PPP2R2B: variants seen among roughly 807,000 people sequenced by gnomAD.
PPP2R2B encodes serine/threonine-protein phosphatase 2A 55 kDa regulatory subunit B beta isoform.
A neutral mutation model predicts 46.0 loss-of-function variants in PPP2R2B; 5 were observed. The observed-to-expected ratio is 0.11, with a 90% CI of 0.06 to 0.23. The LOEUF (loss-of-function observed/expected upper bound fraction) is 0.23, where lower values mean the gene tolerates loss of function less well. PPP2R2B is among the 10% of genes least tolerant of loss of function. The pLI, the probability that PPP2R2B is intolerant of heterozygous loss-of-function variation, is 1.00. For synonymous variants in PPP2R2B, 215 were observed against 206.7 expected (o/e 1.04, Z -0.34); for missense variants, 367 against 575.0 (o/e 0.64, Z 3.70).
chr5:146,641,639 A>C (rs971542339), intron 6 of PPP2R2B, among the ~76,000 whole-genome samples: 1 of 151,792 alleles, frequency 6.6e-6, no homozygotes, highest in Non-Finnish European at 1.5e-5. Context: ...GCTAAAAATT[A>C]AGTGACTTAT....
chr5:146,979,599 G>C (rs1168586144), intron 1 of PPP2R2B, among the ~76,000 whole-genome samples: 1 of 136,118 alleles, frequency 7.3e-6, no homozygotes, highest in Non-Finnish European at 1.6e-5. Context: ...ACACACACAC[G>C]CTAGTCCCTC....
intron 2 of PPP2R2B, chr5:146,706,497 A>G (rs1483177541): frequency 1.7e-6 from 2 of 1,191,992 alleles, no homozygotes; most frequent in Non-Finnish European, 1.2e-6. Flanking sequence ...GATGTTCATC[A>G]GCTTCTGGTA....
At chr5:146,591,668 T>C (rs1420385445) in intron 9 of PPP2R2B, among the ~76,000 whole-genome samples, 1 of 146,888 alleles carries the variant, frequency 6.8e-6, no homozygotes, top group East Asian at 1.9e-4. Context: ...TAAGAGATTA[T>C]TTTCCAAAAA....
intron 1 of PPP2R2B, among the ~76,000 whole-genome samples, chr5:146,908,447 CAA>C (rs1240131950): frequency 3.3e-5 from 5 of 151,418 alleles, no homozygotes; most frequent in Admixed American, 6.6e-5. Context: ...GTATATTTTT[CAA>C]AAGACTCCTA....
chr5:146,693,446 C>T (rs1778999165), intron 4 of PPP2R2B, among the ~76,000 whole-genome samples: 1 of 151,938 alleles, frequency 6.6e-6, no homozygotes, highest in South Asian at 2.1e-4. Context: ...AACTCCCAGG[C>T]TCAAGCAGTC....
intron 2 of PPP2R2B, among the ~76,000 whole-genome samples, chr5:146,872,370 T>G (rs565354637): frequency 2.0e-5 from 3 of 152,182 alleles, no homozygotes; most frequent in Non-Finnish European, 4.4e-5. Context: ...AGCTCAAACA[T>G]TCATCCATAT....
chr5:146,706,816 G>T, intron 2 of PPP2R2B: 1 of 914,814 alleles, frequency 1.1e-6, no homozygotes, highest in Non-Finnish European at 1.8e-6. Context: ...CGATCTCCTC[G>T]TACTGTACCT....
At chr5:146,899,267 A>T (rs1762745573) in intron 1 of PPP2R2B, among the ~76,000 whole-genome samples, 1 of 147,940 alleles carries the variant, frequency 6.8e-6, no homozygotes, top group Non-Finnish European at 1.5e-5. Flanking sequence ...AATGTGGCAC[A>T]TATACACCAT....
intron 2 of PPP2R2B, among the ~76,000 whole-genome samples, chr5:146,823,479 G>A (rs191518378): frequency 7.2e-5 from 11 of 152,156 alleles, no homozygotes; most frequent in Admixed American, 7.2e-4. Flanking sequence ...TTACAGGCGT[G>A]AGCCACTGCA....
intron 2 of PPP2R2B, among the ~76,000 whole-genome samples, chr5:146,844,720 C>T (rs1561953008): frequency 6.6e-6 from 1 of 152,194 alleles, no homozygotes; most frequent in Non-Finnish European, 1.5e-5. Context: ...GTTTAGCAAC[C>T]CCATTTCTTT....
chr5:146,701,231 G>A (rs1339650584), intron 2 of PPP2R2B, 89 bp from the exon 3 acceptor site: 1 of 1,136,586 alleles, frequency 8.8e-7, no homozygotes, highest in Non-Finnish European at 1.3e-6. Flanking sequence ...TGCATTTAAG[G>A]GCTTAGGGCT....
intron 2 of PPP2R2B, among the ~76,000 whole-genome samples, chr5:147,069,802 T>TTTTTTTTTG (rs1757531426): frequency 7.4e-6 from 1 of 135,594 alleles, no homozygotes; most frequent in Non-Finnish European, 1.6e-5. Context: ...TTTTTTTTTT[T>TTTTTTTTTG]TTTTTTGAGA....
chr5:146,927,081 T>C (rs1457052483), intron 1 of PPP2R2B, among the ~76,000 whole-genome samples: 1 of 152,186 alleles, frequency 6.6e-6, no homozygotes, highest in African/African-American at 2.4e-5. Context: ...TTGAGGTGGA[T>C]GAGAGGAGCC....
intron 6 of PPP2R2B, among the ~76,000 whole-genome samples, chr5:146,644,932 G>T (rs1268012624): frequency 6.6e-6 from 1 of 152,152 alleles, no homozygotes. Context: ...ACTGACATGC[G>T]TATTTCCCCA....
At chr5:146,833,760 C>T (rs374046956) in intron 2 of PPP2R2B, among the ~76,000 whole-genome samples, 7 of 151,810 alleles carry the variant, frequency 4.6e-5, no homozygotes, top group African/African-American at 1.7e-4. Context: ...CCTCCTCCCC[C>T]ACCCCCAGCT....
chr5:146,777,731 T>C (rs1755273189), intron 2 of PPP2R2B, among the ~76,000 whole-genome samples: 1 of 152,188 alleles, frequency 6.6e-6, no homozygotes, highest in African/African-American at 2.4e-5. Context: ...CATTCAGTTT[T>C]TCTATGCACA....
At chr5:147,016,239 G>T (rs1754997101) in intron 1 of PPP2R2B, among the ~76,000 whole-genome samples, 2 of 151,340 alleles carry the variant, frequency 1.3e-5, no homozygotes, top group Non-Finnish European at 1.5e-5. Context: ...TACTCAGGAG[G>T]TAGGAGAATT....
intron 2 of PPP2R2B, among the ~76,000 whole-genome samples, chr5:146,777,923 G>T (rs376339796): frequency 2.0e-5 from 3 of 152,284 alleles, no homozygotes; most frequent in East Asian, 3.9e-4. Context: ...AAAATTCCCA[G>T]CACTGAAGAT....
intron 2 of PPP2R2B, among the ~76,000 whole-genome samples, chr5:146,848,362 G>A (rs911175014): frequency 1.3e-5 from 2 of 152,010 alleles, no homozygotes; most frequent in African/African-American, 2.4e-5. Flanking sequence ...ATTTTCTAAT[G>A]TCCTTTTTCT....
Sources: gnomAD v4.1 joint callset for allele counts (sites outside exome capture counted in the v4.1 genomes callset) on GRCh38, gnomAD v4.1.1 for gene constraint, MANE v1.5 for transcripts, NCBI Gene and HGNC (gene_info 2026-07-23, HGNC 2026-07-21) for gene names.